The following PIP5K1B variants were observed in gnomAD, a reference collection of about 807,000 sequenced individuals.
PIP5K1B encodes the protein phosphatidylinositol 4-phosphate 5-kinase type-1 beta.
A neutral mutation model predicts 67.0 loss-of-function variants in PIP5K1B; 42 were observed. The ratio of observed to expected loss-of-function variants is 0.63; its 90% CI spans 0.49 to 0.81. The LOEUF (loss-of-function observed/expected upper bound fraction) is 0.81, where lower values mean the gene tolerates loss of function less well. PIP5K1B is among the 30% of genes least tolerant of loss of function. The pLI is 0.00. For missense variants in PIP5K1B, 459 were observed against 646.3 expected, an observed-to-expected ratio of 0.71 and a Z score of 3.14; for synonymous variants, 214 against 231.4, an observed-to-expected ratio of 0.92 and a Z score of 0.68.
At chr9:68,817,913 A>G (rs1210995425) in intron 2 of PIP5K1B, among the ~76,000 whole-genome samples, 1 of 152,140 alleles carries the variant, frequency 6.6e-6, no homozygotes, top group Non-Finnish European at 1.5e-5. Flanking sequence ...ATAAGCAAGT[A>G]TCTCTTCTGT....
intron 2 of PIP5K1B, among the ~76,000 whole-genome samples, chr9:68,806,942 GTTTT>G (rs10550941): frequency 1.5e-5 from 2 of 130,490 alleles, no homozygotes; most frequent in Admixed American, 7.7e-5. Flanking sequence ...TTTGGCCTTG[GTTTT>G]TTTTTTTTTT....
At chr9:68,914,952 G>A (rs1356215409) in intron 8 of PIP5K1B, among the ~76,000 whole-genome samples, 4 of 152,172 alleles carry the variant, frequency 2.6e-5, no homozygotes, top group South Asian at 2.1e-4. Flanking sequence ...TACTTCAAGC[G>A]AACACCTGTT....
intron 13 of PIP5K1B, among the ~76,000 whole-genome samples, chr9:68,940,269 G>C (rs17485370): frequency 2.0e-5 from 3 of 152,114 alleles, no homozygotes; most frequent in Non-Finnish European, 2.9e-5. Context: ...AGGGCAAAAA[G>C]GTTCACTGTC....
At chr9:68,710,879 G>A (rs1827356297) in intron 1 of PIP5K1B, among the ~76,000 whole-genome samples, 1 of 152,146 alleles carries the variant, frequency 6.6e-6, no homozygotes, top group African/African-American at 2.4e-5. Context: ...TTTCTCTAAT[G>A]TTTTTAGAAA....
At chr9:68,967,056 T>C (rs1205182650) in intron 14 of PIP5K1B, among the ~76,000 whole-genome samples, 2 of 152,226 alleles carry the variant, frequency 1.3e-5, no homozygotes, top group African/African-American at 4.8e-5. Context: ...ATGTACAATT[T>C]TGAATTTTAT....
At chr9:68,995,437 G>A (rs983992032) in intron 15 of PIP5K1B, among the ~76,000 whole-genome samples, 1 of 151,800 alleles carries the variant, frequency 6.6e-6, no homozygotes, top group African/African-American at 2.4e-5. Flanking sequence ...TTTTTGTTTT[G>A]CGTGCTCTTC....
At chr9:68,732,591 G>A (rs750823242) in intron 1 of PIP5K1B, among the ~76,000 whole-genome samples, 1 of 152,202 alleles carries the variant, frequency 6.6e-6, no homozygotes, top group Non-Finnish European at 1.5e-5. Context: ...GGAGGCACTT[G>A]TCTCACATCT....
chr9:68,989,703 G>C (rs950225094), intron 14 of PIP5K1B, among the ~76,000 whole-genome samples: 5 of 152,194 alleles, frequency 3.3e-5, no homozygotes, highest in East Asian at 3.9e-4. Flanking sequence ...GAGCAAGCTG[G>C]GCACAGTGGC....
chr9:68,927,144 T>C (rs1826751507), intron 12 of PIP5K1B, among the ~76,000 whole-genome samples: 1 of 152,258 alleles, frequency 6.6e-6, no homozygotes, highest in Non-Finnish European at 1.5e-5. Context: ...TTCCATTATA[T>C]TGATATACCA....
intron 1 of PIP5K1B, among the ~76,000 whole-genome samples, chr9:68,737,219 C>T (rs966630871): frequency 2.0e-5 from 3 of 152,218 alleles, no homozygotes; most frequent in African/African-American, 4.8e-5. Context: ...CAGTTTGTTA[C>T]AAAATGACAT....
At chr9:68,883,562 T>G (rs889041049) in intron 6 of PIP5K1B, among the ~76,000 whole-genome samples, 1 of 152,224 alleles carries the variant, frequency 6.6e-6, no homozygotes, top group Non-Finnish European at 1.5e-5. Context: ...AGAAGCTACC[T>G]TTTAATCATG....
At chr9:69,001,995 T>A (rs1801132216) in intron 15 of PIP5K1B, among the ~76,000 whole-genome samples, 1 of 152,216 alleles carries the variant, frequency 6.6e-6, no homozygotes, top group Non-Finnish European at 1.5e-5. Flanking sequence ...CTTAAATCCA[T>A]CCCAGGAGAC....
At chr9:68,813,791 C>A (rs1183664128) in intron 2 of PIP5K1B, among the ~76,000 whole-genome samples, 1 of 151,940 alleles carries the variant, frequency 6.6e-6, no homozygotes, top group Non-Finnish European at 1.5e-5. Flanking sequence ...CCAAGGGACT[C>A]CAAGAAAGAT....
intron 8 of PIP5K1B, among the ~76,000 whole-genome samples, chr9:68,908,255 T>C (rs1825706328): frequency 6.6e-6 from 1 of 152,180 alleles, no homozygotes; most frequent in South Asian, 2.1e-4. Context: ...TACAAAATAA[T>C]TTATGAAGAC....
At chr9:68,735,792 T>C (rs569923305) in intron 1 of PIP5K1B, among the ~76,000 whole-genome samples, 19 of 152,258 alleles carry the variant, frequency 1.2e-4, no homozygotes, top group Middle Eastern at 3.4e-3. Flanking sequence ...GACTGTTACT[T>C]ATATACAGCA....
At chr9:68,882,182 C>A (rs902569134) in intron 6 of PIP5K1B, among the ~76,000 whole-genome samples, 1 of 152,182 alleles carries the variant, frequency 6.6e-6, no homozygotes, top group Non-Finnish European at 1.5e-5. Flanking sequence ...CACATGGGGG[C>A]TTTTGATCAT....
chr9:68,780,085 A>T (rs1261355045), intron 2 of PIP5K1B: 7 of 1,424,352 alleles, frequency 4.9e-6, no homozygotes, highest in Non-Finnish European at 6.4e-6. Flanking sequence ...TGGCGGCGGC[A>T]GCGGCGGCGG....
chr9:68,707,047 A>C (rs183680060), intron 1 of PIP5K1B, among the ~76,000 whole-genome samples: 1 of 152,280 alleles, frequency 6.6e-6, no homozygotes, highest in Non-Finnish European at 1.5e-5. Context: ...GCTGGGAAAA[A>C]ACCTTAATCG....
intron 2 of PIP5K1B, among the ~76,000 whole-genome samples, chr9:68,795,243 C>A (rs1394835387): frequency 6.6e-6 from 1 of 152,066 alleles, no homozygotes; most frequent in Non-Finnish European, 1.5e-5. Flanking sequence ...CCACACCTAA[C>A]CTTGTGACTT....
Sources: allele counts gnomAD v4.1 joint callset (sites outside exome capture counted in the v4.1 genomes callset), GRCh38; gene constraint gnomAD v4.1.1; transcripts MANE v1.5; gene names NCBI Gene and HGNC (gene_info 2026-07-23, HGNC 2026-07-21).